CLVS2: variants seen among roughly 807,000 people sequenced by gnomAD.
CLVS2 encodes clavesin 2, also known as clavesin-2.
Under a neutral mutation model 29.0 loss-of-function variants are expected in CLVS2, and 19 were observed. The observed-to-expected ratio is 0.66, with a 90% CI of 0.46 to 0.96. The LOEUF (loss-of-function observed/expected upper bound fraction) is 0.96, where lower values mean the gene tolerates loss of function less well. Among genes scored for constraint, CLVS2 ranks in the 40% least tolerant of loss-of-function variants. CLVS2 has a pLI of 0.00. For synonymous variants in CLVS2, 161 were observed against 151.3 expected, an observed-to-expected ratio of 1.06 and a Z score of -0.47; for missense variants, 294 against 404.1, an observed-to-expected ratio of 0.73 and a Z score of 2.34.
chr6:123,019,083 G>A (rs1230679774), intron 3 of CLVS2, among the ~76,000 whole-genome samples: 1 of 151,922 alleles, frequency 6.6e-6, no homozygotes, highest in Non-Finnish European at 1.5e-5. Flanking sequence ...TTCCCTGTAG[G>A]GTAAAAAGCA....
intron 2 of CLVS2, among the ~76,000 whole-genome samples, chr6:122,998,718 G>T (rs1357540971): frequency 2.0e-5 from 3 of 152,118 alleles, no homozygotes; most frequent in Non-Finnish European, 4.4e-5. Flanking sequence ...AATATGATTT[G>T]TGTCCCTTCA....
At chr6:123,024,032 A>G (rs1044223700) in intron 3 of CLVS2, among the ~76,000 whole-genome samples, 46 of 152,138 alleles carry the variant, frequency 3.0e-4, no homozygotes, top group African/African-American at 1.1e-3. Context: ...AAGAAGATGA[A>G]CCCTTCAGGC....
At chr6:123,033,237 T>C (rs1401146327) in intron 3 of CLVS2, among the ~76,000 whole-genome samples, 2 of 152,064 alleles carry the variant, frequency 1.3e-5, no homozygotes, top group Non-Finnish European at 2.9e-5. Flanking sequence ...GAGAACAACA[T>C]AAGATTATAT....
chr6:123,023,566 T>C (rs982334681), intron 3 of CLVS2, among the ~76,000 whole-genome samples: 2 of 152,118 alleles, frequency 1.3e-5, no homozygotes, highest in African/African-American at 4.8e-5. Context: ...TGATGTACTG[T>C]GATTTGAGTT....
At chr6:123,019,018 C>T (rs754824690) in intron 3 of CLVS2, among the ~76,000 whole-genome samples, 17 of 152,034 alleles carry the variant, frequency 1.1e-4, no homozygotes, top group Admixed American at 5.2e-4. Context: ...CACCTTCTTG[C>T]GCTGCTGTCT....
At chr6:123,023,878 C>T (rs1774959572) in intron 3 of CLVS2, among the ~76,000 whole-genome samples, 1 of 151,998 alleles carries the variant, frequency 6.6e-6, no homozygotes, top group African/African-American at 2.4e-5. Flanking sequence ...AATGCCTCTA[C>T]CTGGTATTGT....
chr6:123,051,114 G>A (rs926474897), intron 4 of CLVS2, among the ~76,000 whole-genome samples: 3 of 151,952 alleles, frequency 2.0e-5, no homozygotes, highest in African/African-American at 7.3e-5. Context: ...AAGTGAGTCA[G>A]TATCACAATA....
chr6:123,012,883 C>T (rs979120108), intron 3 of CLVS2, among the ~76,000 whole-genome samples: 1 of 151,942 alleles, frequency 6.6e-6, no homozygotes, highest in Non-Finnish European at 1.5e-5. Context: ...TAAGACGCCA[C>T]TTAAGAGAAA....
chr6:123,052,838 G>A (rs1772633087), intron 4 of CLVS2, among the ~76,000 whole-genome samples: 1 of 150,132 alleles, frequency 6.7e-6, no homozygotes, highest in African/African-American at 2.5e-5. Flanking sequence ...AGCAGCCATT[G>A]AATATTTAAG....
chr6:123,023,042 A>G (rs1048130269), intron 3 of CLVS2, among the ~76,000 whole-genome samples: 1 of 152,124 alleles, frequency 6.6e-6, no homozygotes, highest in African/African-American at 2.4e-5. Flanking sequence ...TATGTAAATA[A>G]CAGGAAACTG....
intron 5 of CLVS2, among the ~76,000 whole-genome samples, chr6:123,056,644 A>T (rs1772697485): frequency 6.6e-6 from 1 of 152,180 alleles, no homozygotes; most frequent in African/African-American, 2.4e-5. Context: ...TTGTATCCTG[A>T]GAAACCAAAG....
At chr6:123,043,296 A>T (rs1352106724) in intron 3 of CLVS2, among the ~76,000 whole-genome samples, 2 of 152,052 alleles carry the variant, frequency 1.3e-5, no homozygotes, top group African/African-American at 4.8e-5. Flanking sequence ...CTTTTTTTGT[A>T]TTGAAAATGT....
At position 123,011,102 on chromosome 6, in the gene CLVS2, C is replaced by T; in HGVS notation, c.507C>T (p.Phe169=). 1 of 1,611,544 alleles carries T rather than the reference C, an allele frequency of 6.2e-7. No individual in the cohort carries two copies. Among genetic ancestry groups the T allele is most frequent in the Non-Finnish European group, 8.5e-7 (1 of 1,178,590 alleles). Residue 169 remains phenylalanine, a synonymous_variant, in exon 3 of 6, where the codon TTC becomes TTT. Transcript: ENST00000275162. ...VLIIDWSNFT[F]KQASKLTPSM... ...TCATAGACTGGAGTAACTTCACTTTCAAGCAAGCCTCTAAACTCACACCAA... is the reference window on the plus strand; with the variant it reads ...TCATAGACTGGAGTAACTTCACTTTTAAGCAAGCCTCTAAACTCACACCAA...
At chr6:123,036,816 A>G (rs1775160744) in intron 3 of CLVS2, among the ~76,000 whole-genome samples, 1 of 152,080 alleles carries the variant, frequency 6.6e-6, no homozygotes, top group African/African-American at 2.4e-5. Context: ...CTGCCTCACC[A>G]TCCATATGGA....
At chr6:123,052,625 T>C (rs560599058) in intron 4 of CLVS2, among the ~76,000 whole-genome samples, 119 of 152,148 alleles carry the variant, frequency 7.8e-4, no homozygotes, top group Admixed American at 1.6e-3. Flanking sequence ...ATCAGAATGA[T>C]TGGATTTGGG....
chr6:123,005,342 C>T (rs951896081), intron 2 of CLVS2, among the ~76,000 whole-genome samples: 2 of 152,094 alleles, frequency 1.3e-5, no homozygotes, highest in South Asian at 4.1e-4. Flanking sequence ...GGTAATTTTT[C>T]TCCTTTTTTC....
At chr6:123,016,482 C>A (rs1774836436) in intron 3 of CLVS2, among the ~76,000 whole-genome samples, 1 of 151,918 alleles carries the variant, frequency 6.6e-6, no homozygotes, top group Non-Finnish European at 1.5e-5. Flanking sequence ...TACCCTGCTG[C>A]CCTTGAGACA....
chr6:123,045,666 T>G (rs1772480423), intron 3 of CLVS2, among the ~76,000 whole-genome samples: 1 of 152,068 alleles, frequency 6.6e-6, no homozygotes, highest in South Asian at 2.1e-4. Context: ...GGGGATGATG[T>G]GAGTGGAAAT....
At chr6:123,021,379 G>A (rs1448028490) in intron 3 of CLVS2, among the ~76,000 whole-genome samples, 5 of 151,796 alleles carry the variant, frequency 3.3e-5, no homozygotes, top group East Asian at 1.9e-4. Flanking sequence ...GCACGCAACC[G>A]GGAGGGGATC....
Sources: allele counts gnomAD v4.1 joint callset (sites outside exome capture counted in the v4.1 genomes callset), GRCh38; gene constraint gnomAD v4.1.1; transcripts MANE v1.5; gene names NCBI Gene and HGNC (gene_info 2026-07-23, HGNC 2026-07-21).